The following GRID2 variants were observed in gnomAD, a reference collection of about 807,000 sequenced individuals.
The protein encoded by GRID2 is glutamate receptor ionotropic, delta-2.
In GRID2, 33 loss-of-function variants were observed where a neutral mutation model predicts 114.8. The observed-to-expected ratio is 0.29, with a 90% confidence interval of 0.22 to 0.38. The LOEUF (loss-of-function observed/expected upper bound fraction) is 0.38, where lower values mean the gene tolerates loss of function less well. Ranked by LOEUF, GRID2 falls within the 10% of genes least tolerant of loss-of-function variation. GRID2 has a pLI of 1.00. For missense variants in GRID2, 1,184 were observed against 1,257.7 expected, an observed-to-expected ratio of 0.94 and a Z score of 0.89; for synonymous variants, 505 against 449.9, an observed-to-expected ratio of 1.12 and a Z score of -1.55.
At chr4:92,995,683 C>A (rs2149209984) in intron 2 of GRID2, among the ~76,000 whole-genome samples, 1 of 152,174 alleles carries the variant, frequency 6.6e-6, no homozygotes, top group African/African-American at 2.4e-5. Context: ...CTATATATGG[C>A]ATTACTTTGA....
intron 8 of GRID2, among the ~76,000 whole-genome samples, chr4:93,356,867 G>T (rs554949070): frequency 6.6e-6 from 1 of 151,710 alleles, no homozygotes; most frequent in South Asian, 2.1e-4. Flanking sequence ...AAGCATTTTG[G>T]AACAGTTTTT....
At chr4:92,696,281 T>C (rs1734422252) in intron 2 of GRID2, among the ~76,000 whole-genome samples, 1 of 152,182 alleles carries the variant, frequency 6.6e-6, no homozygotes, top group South Asian at 2.1e-4. Flanking sequence ...GCATTATTTG[T>C]GCTTTCTAAT....
At chr4:92,760,437 G>A (rs1322570247) in intron 2 of GRID2, among the ~76,000 whole-genome samples, 1 of 152,002 alleles carries the variant, frequency 6.6e-6, no homozygotes, top group Non-Finnish European at 1.5e-5. Context: ...CTTTCACTGA[G>A]CAGGTCACAG....
chr4:93,543,724 G>GAT (rs1436386089), intron 13 of GRID2, among the ~76,000 whole-genome samples: 1 of 151,120 alleles, frequency 6.6e-6, no homozygotes, highest in African/African-American at 2.4e-5. Flanking sequence ...GAGAGAGAGA[G>GAT]AGAGAGAGAG....
chr4:93,688,503 C>A (rs186965629), intron 14 of GRID2, among the ~76,000 whole-genome samples: 2 of 151,880 alleles, frequency 1.3e-5, no homozygotes, highest in Non-Finnish European at 2.9e-5. Context: ...TTGGAGAGGT[C>A]GGATAACTTG....
intron 2 of GRID2, among the ~76,000 whole-genome samples, chr4:92,694,978 G>GTT (rs141202756): frequency 2.0e-5 from 3 of 151,826 alleles, no homozygotes; most frequent in Non-Finnish European, 4.4e-5. Context: ...ATTTTGTTTT[G>GTT]TTTTTTGGGA....
intron 1 of GRID2, among the ~76,000 whole-genome samples, chr4:92,385,414 A>G (rs965043024): frequency 1.3e-5 from 2 of 151,786 alleles, no homozygotes; most frequent in Non-Finnish European, 2.9e-5. Flanking sequence ...ACAGAGTATC[A>G]ACTGGAATTT....
At chr4:93,208,604 A>T (rs553254917) in intron 5 of GRID2, among the ~76,000 whole-genome samples, 3 of 152,122 alleles carry the variant, frequency 2.0e-5, no homozygotes, top group Non-Finnish European at 2.9e-5. Context: ...TTTTACACAG[A>T]AAAGTGAAAA....
At chr4:93,746,849 C>A (rs1015710634) in intron 14 of GRID2, among the ~76,000 whole-genome samples, 1 of 151,934 alleles carries the variant, frequency 6.6e-6, no homozygotes, top group African/African-American at 2.4e-5. Context: ...TCTAATTGGT[C>A]CACTCTGATT....
intron 13 of GRID2, among the ~76,000 whole-genome samples, chr4:93,575,056 G>A (rs1337174035): frequency 6.6e-6 from 1 of 152,144 alleles, no homozygotes; most frequent in Non-Finnish European, 1.5e-5. Flanking sequence ...TTACATAGTG[G>A]TTCAGGGATC....
chr4:93,477,866 C>A (rs1725472318), intron 11 of GRID2, among the ~76,000 whole-genome samples: 1 of 152,084 alleles, frequency 6.6e-6, no homozygotes, highest in African/African-American at 2.4e-5. Context: ...GCTATCACTG[C>A]CACTATGCTT....
At chr4:93,797,096 A>G (rs544903877) in intron 1 of GRID2, among the ~76,000 whole-genome samples, 1 of 152,312 alleles carries the variant, frequency 6.6e-6, no homozygotes, top group Non-Finnish European at 1.5e-5. Flanking sequence ...ACAAAATGGC[A>G]AGTATTTGTG....
chr4:92,416,728 A>C (rs1731634075), intron 1 of GRID2, among the ~76,000 whole-genome samples: 1 of 151,806 alleles, frequency 6.6e-6, no homozygotes, highest in African/African-American at 2.4e-5. Context: ...ATTTGGCTTT[A>C]TTTCTGCGTT....
At chr4:92,469,282 C>G (rs940646924) in intron 1 of GRID2, among the ~76,000 whole-genome samples, 1 of 152,034 alleles carries the variant, frequency 6.6e-6, no homozygotes, top group African/African-American at 2.4e-5. Context: ...TCCTGTATTG[C>G]AACAATCCAA....
chr4:93,258,754 T>C (rs1016492990), intron 8 of GRID2: 14 of 342,100 alleles, frequency 4.1e-5, no homozygotes, highest in Non-Finnish European at 7.5e-5. Context: ...CCTGAAGGAT[T>C]GTCATTTAAA....
intron 2 of GRID2, among the ~76,000 whole-genome samples, chr4:92,943,322 A>T (rs1198909033): frequency 6.6e-6 from 1 of 151,590 alleles, no homozygotes. Context: ...CATTCATTTC[A>T]TTCATTTCAT....
intron 2 of GRID2, among the ~76,000 whole-genome samples, chr4:92,844,580 GA>G (rs1743156450): frequency 6.6e-6 from 1 of 151,532 alleles, no homozygotes; most frequent in African/African-American, 2.4e-5. Context: ...ACCTATATGT[GA>G]ATGGGAACAG....
chr4:93,259,051 G>C, intron 8 of GRID2: 1 of 358,902 alleles, frequency 2.8e-6, no homozygotes, highest in Non-Finnish European at 5.6e-6. Context: ...AGAAAAAAAA[G>C]TATTATAGAG....
intron 8 of GRID2, among the ~76,000 whole-genome samples, chr4:93,367,103 C>G (rs968957874): frequency 6.6e-6 from 1 of 151,770 alleles, no homozygotes; most frequent in African/African-American, 2.4e-5. Flanking sequence ...TTGAATCTAT[C>G]CCCAATCTCA....
Sources: gnomAD v4.1 joint callset for allele counts (sites outside exome capture counted in the v4.1 genomes callset) on GRCh38, gnomAD v4.1.1 for gene constraint, MANE v1.5 for transcripts, NCBI Gene and HGNC (gene_info 2026-07-23, HGNC 2026-07-21) for gene names.